TRRAP: variants seen among roughly 807,000 people sequenced by gnomAD.
The protein encoded by TRRAP is transformation/transcription domain associated protein.
Under a neutral mutation model 438.8 loss-of-function variants are expected in TRRAP, and 41 were observed. The observed-to-expected ratio is 0.09, with a 90% confidence interval of 0.07 to 0.12. TRRAP has a LOEUF of 0.12. Ranked by LOEUF, TRRAP falls within the 10% of genes least tolerant of loss-of-function variation. The pLI is 1.00. For synonymous variants in TRRAP, 1,994 were observed against 1,962.9 expected, an observed-to-expected ratio of 1.02 and a Z score of -0.42; for missense variants, 3,122 against 5,055.1, an observed-to-expected ratio of 0.62 and a Z score of 11.60.
rs1284170822 is a variant in TRRAP, at chr7:98,948,541, T to A, written c.4669-25T>A. On this transcript the variant is annotated intron_variant, in intron 34 of 72. Transcript: ENST00000456197. The surrounding 1 kb of genome is among the most constrained non-coding windows in gnomAD (Gnocchi z 4.9). ...GCTCTGAGAAGAGGAAGTTGTGAGA[T>A]GCAGCATTCCCACATGTTTTGCAGG... 1.2e-6 allele frequency: 2 copies of A among 1,614,046 alleles called. No individual in the cohort carries two copies. The highest frequency in any genetic ancestry group is 2.7e-5 in the African/African-American group (2 of 74,942).
intron 17 of TRRAP, among the ~76,000 whole-genome samples, chr7:98,911,690 C>T (rs886890722): frequency 6.6e-6 from 1 of 151,172 alleles, no homozygotes; most frequent in Non-Finnish European, 1.5e-5. Flanking sequence ...TGTTTGAGCC[C>T]AGGAGGTTGA....
In TRRAP at chr7:98,952,871, C is replaced by T. The variant is rs573510314; in HGVS notation, c.5464-296C>T. ...TTTCATCTGTAGCTCTCCTTAGGAA[C>T]GAAAGGAGCCAGTTTCTTGCATGAC... On this transcript the variant is annotated intron_variant, in intron 39 of 72. Transcript: ENST00000456197. 6.6e-5 allele frequency among the ~76,000 whole-genome samples: 10 copies of T among 152,228 alleles called. No individual in the cohort carries two copies. In the South Asian group the frequency reaches 8.3e-4, roughly 13 times the overall value.
At chr7:98,900,476 A>T in intron 10 of TRRAP, 148 bp from the exon 11 acceptor site, 1 of 609,260 alleles carries the variant, frequency 1.6e-6, no homozygotes, top group Non-Finnish European at 2.8e-6. Context: ...AATTGCACGA[A>T]AGGTGTAGAC....
chr7:98,929,603 T>G (rs1459101604), intron 23 of TRRAP, among the ~76,000 whole-genome samples: 1 of 151,946 alleles, frequency 6.6e-6, no homozygotes, highest in African/African-American at 2.4e-5. Context: ...TCTTTTTTTT[T>G]TAATTTATTT....
intron 67 of TRRAP, among the ~76,000 whole-genome samples, chr7:98,997,805 A>G (rs1011066676): frequency 4.6e-5 from 7 of 152,242 alleles, no homozygotes; most frequent in African/African-American, 1.4e-4. Context: ...GCCCAGGAAA[A>G]TTGAATCGAA....
At chr7:98,911,305 T>C (rs1789254510) in intron 17 of TRRAP, 34 bp downstream of exon 17, 1 of 1,533,490 alleles carries the variant, frequency 6.5e-7, no homozygotes, top group African/African-American at 1.4e-5. Flanking sequence ...TGTTTGAACA[T>C]TACAATTCTT....
chr7:98,924,955 G>C (rs1257148266), intron 21 of TRRAP, among the ~76,000 whole-genome samples, 157 bp from the exon 22 acceptor site: 1 of 149,466 alleles, frequency 6.7e-6, no homozygotes, highest in Non-Finnish European at 1.5e-5. Context: ...AGTGACCTGA[G>C]ATACGCGCCA....
In TRRAP at chr7:98,925,228, C is replaced by T. The variant is rs2116485634; in HGVS notation, c.2940C>T (p.Asn980=). 2.5e-6 allele frequency: 4 copies of T among 1,614,144 alleles called. No homozygotes were observed. Among genetic ancestry groups the T allele is most frequent in the Non-Finnish European group, 3.4e-6 (4 of 1,180,008 alleles). ...TGGCCATGATGAGCCTGGAGGACAACAAGCACGCACTCTACCAGCTCCTGG... is the reference window on the plus strand; with the variant it reads ...TGGCCATGATGAGCCTGGAGGACAATAAGCACGCACTCTACCAGCTCCTGG... ...FLVAMMSLED[N]KHALYQLLAH... Residue 980 remains asparagine (N), a synonymous_variant, in exon 22 of 73, where the codon AAC becomes AAT. Transcript: ENST00000456197.
chr7:98,967,735 G>T (rs1295363212), intron 51 of TRRAP, 37 bp downstream of exon 51: 3 of 1,592,614 alleles, frequency 1.9e-6, no homozygotes. Flanking sequence ...GCCGGGGGCA[G>T]CTGTGGGTTT....
chr7:98,997,678 A>G (rs1793734318), intron 67 of TRRAP, among the ~76,000 whole-genome samples: 1 of 152,156 alleles, frequency 6.6e-6, no homozygotes, highest in African/African-American at 2.4e-5. Flanking sequence ...CAGCAGAGGA[A>G]ATAAAATCAT....
In TRRAP at chr7:98,983,425, C is replaced by T. The variant is rs772865850; in HGVS notation, c.8988C>T (p.Ser2996=). 1 of 1,614,214 alleles carries T rather than the reference C, an allele frequency of 6.2e-7. No homozygotes were observed. Among genetic ancestry groups the T allele is most frequent in the Non-Finnish European group, 8.5e-7 (1 of 1,180,040 alleles). Reference sequence around the variant, plus strand: ...TGTCTGACGACTTGTCCCACTGGAGCAGCATCTTCATGTGGAGGCAGCATC... The same window carrying T: ...TGTCTGACGACTTGTCCCACTGGAGTAGCATCTTCATGTGGAGGCAGCATC... ...PIVSDDLSHW[S]SIFMWRQHHY... is the part of the protein sequence containing the mutation. The change falls in exon 60 of 73, where the codon AGC becomes AGT. Residue 2996 remains serine, a synonymous_variant. Coordinates refer to ENST00000456197, the MANE Select transcript of TRRAP (RefSeq NM_001375524.1).
In TRRAP at chr7:98,907,194, G is replaced by A. The variant is rs564562810; in HGVS notation, c.1115+939G>A. Among the ~76,000 whole-genome samples, 12 of 152,078 alleles carry A rather than the reference G, an allele frequency of 7.9e-5. No homozygotes were observed. In the South Asian group the frequency reaches 2.3e-3, roughly 29 times the overall value. On this transcript the variant is annotated intron_variant, in intron 13 of 72. Coordinates refer to ENST00000456197, the MANE Select transcript of TRRAP (RefSeq NM_001375524.1). The stretch of plus-strand genomic sequence containing the variant: ...CAAAATTAGCCAGGCGTGGTGGCGC[G>A]TGCCTGTAATCCCAACTAGTCGGGA...
chr7:98,907,639 A>G (rs868910376), intron 13 of TRRAP, among the ~76,000 whole-genome samples: 14 of 152,212 alleles, frequency 9.2e-5, no homozygotes, highest in African/African-American at 3.1e-4. Flanking sequence ...AGAAAACCCA[A>G]ACTCTTGACC....
At chr7:98,999,485 T>A (rs1793821738) in intron 67 of TRRAP, 4 of 777,184 alleles carry the variant, frequency 5.1e-6, no homozygotes, top group Non-Finnish European at 9.2e-6. Flanking sequence ...TCCTGAGAAC[T>A]TATCGTGAGC....
Position 99,005,045 on chromosome 7 carries a change from C to A in TRRAP, c.10536-86C>A. Reference sequence around the variant, plus strand: ...GCCTACACAGTCCGTTTTCCCGTGACAGTTCGGACATTCCTAGCTTCTTCT... The same window carrying A: ...GCCTACACAGTCCGTTTTCCCGTGAAAGTTCGGACATTCCTAGCTTCTTCT... On this transcript the variant is annotated intron_variant, in intron 68 of 72. Coordinates refer to ENST00000456197, the MANE Select transcript of TRRAP (RefSeq NM_001375524.1). This position sits in a 1 kb window ranked among gnomAD's most constrained non-coding sequence, Gnocchi z 5.1. 1 of 1,381,408 alleles carries A rather than the reference C, an allele frequency of 7.2e-7. No homozygotes were observed. The highest frequency in any genetic ancestry group is 1.2e-5 in the South Asian group (1 of 83,528). 85.6% of individuals were successfully genotyped at this position (1,381,408 alleles called of 1,614,324 possible).
In TRRAP at chr7:99,012,542, T is replaced by A; in HGVS notation, c.*187T>A. 1.4e-6 allele frequency: 1 copy of A among 715,452 alleles called. No individual in the cohort carries two copies. Among genetic ancestry groups the A allele is most frequent in the Non-Finnish European group, 2.2e-6 (1 of 452,758 alleles). 44.3% of individuals were successfully genotyped at this position (715,452 alleles called of 1,614,324 possible). On this transcript the variant is annotated 3_prime_UTR_variant, in exon 73 of 73. Coordinates refer to ENST00000456197, the MANE Select transcript of TRRAP (RefSeq NM_001375524.1). The surrounding 1 kb of genome is among the most constrained non-coding windows in gnomAD (Gnocchi z 5.9). ...TATAGTTTTAGAGGAAGCTGAACTA[T>A]GACGATGCTGGGCGAAGCGGTTGGA...
At chr7:98,954,668 A>G (rs1376691711) in intron 40 of TRRAP, among the ~76,000 whole-genome samples, 2 of 152,122 alleles carry the variant, frequency 1.3e-5, no homozygotes, top group Non-Finnish European at 2.9e-5. Context: ...CTGTGTTCCC[A>G]TGACCTCACA....
rs544859243 is a variant in TRRAP, at chr7:98,976,920, C to A, written c.8248-19C>A. On this transcript the variant is annotated intron_variant, in intron 55 of 72. Transcript: ENST00000456197. The surrounding 1 kb of genome is among the most constrained non-coding windows in gnomAD (Gnocchi z 4.6). ...AGTCTCTGTCTCAAGCACTCAGGAA[C>A]CTTACTTTGTGTTTTCAGGAGATAC... 1.2e-6 allele frequency: 2 copies of A among 1,613,830 alleles called. No individual in the cohort carries two copies. The highest frequency in any genetic ancestry group is 1.3e-5 in the African/African-American group (1 of 75,032).
In TRRAP at chr7:98,997,483, C is replaced by CAAAA. The variant is rs61132070; in HGVS notation, c.10309+2661_10309+2664dup. Among the ~76,000 whole-genome samples the CAAAA allele has an allele frequency of 1.0e-3, 43 of 42,622 alleles. 5 individuals carry two copies. The highest frequency in any genetic ancestry group is 3.1e-3 in the African/African-American group (36 of 11,734). 28.0% of individuals were successfully genotyped at this position (42,622 alleles called of 152,430 possible). A position where few individuals can be genotyped will look rare whatever the true frequency, so the allele number is the denominator to read the frequency against. ...ATTATCACCCAAAACACTGCTGTTG[C>CAAAA]AAAAAAAAAAAAAAAAAAAAAAAAA... On this transcript the variant is annotated intron_variant, in intron 67 of 72. Transcript: ENST00000456197.
Sources: allele counts gnomAD v4.1 joint callset (sites outside exome capture counted in the v4.1 genomes callset), GRCh38; gene constraint gnomAD v4.1.1; non-coding constraint Gnocchi (gnomAD v3.1); transcripts MANE v1.5; gene names NCBI Gene and HGNC (gene_info 2026-07-23, HGNC 2026-07-21).